KIAA1549: variants seen among roughly 807,000 people sequenced by gnomAD.
The protein encoded by KIAA1549 is UPF0606 protein KIAA1549.
KIAA1549 carries 70 observed loss-of-function variants against 156.4 expected under a neutral mutation model. The ratio of observed to expected loss-of-function variants is 0.45; its 90% CI spans 0.37 to 0.55. KIAA1549 has a LOEUF of 0.55. Ranked by LOEUF, KIAA1549 falls within the 20% of genes least tolerant of loss-of-function variation. The pLI, the probability that KIAA1549 is intolerant of heterozygous loss-of-function variation, is 0.00. For missense variants in KIAA1549, 2,428 were observed against 2,540.9 expected (o/e 0.96, Z 0.96); for synonymous variants, 1,103 against 1,066.4 (o/e 1.03, Z -0.67).
At position 138,837,756 on chromosome 7, in the gene KIAA1549, T is replaced by C. The variant is rs915641224; in HGVS notation, c.*150A>G. ...GGCTCATGAGCTGTCACACGACGTA[T>C]GGCATCTTCTAAATTGCAACTTGCT... On this transcript the variant is annotated 3_prime_UTR_variant, in exon 20 of 20. Transcript: ENST00000422774. 4 of 761,528 alleles carry C rather than the reference T, an allele frequency of 5.3e-6. No individual in the cohort carries two copies. The highest frequency in any genetic ancestry group is 1.8e-5 in the South Asian group (1 of 54,118). 47.2% of individuals were successfully genotyped at this position (761,528 alleles called of 1,614,324 possible).
Position 138,844,453 on chromosome 7 carries a change from C to G in KIAA1549, c.5316G>C (p.Leu1772Phe). 1 of 1,539,374 alleles carries G rather than the reference C, an allele frequency of 6.5e-7. No individual in the cohort carries two copies. Among genetic ancestry groups the G allele is most frequent in the Non-Finnish European group, 8.7e-7 (1 of 1,146,434 alleles). ...PLPRPGFGPGLLQSTELVPPD... is the reference protein window; with the variant it reads ...PLPRPGFGPGFLQSTELVPPD... ...GGGGCACCAGCTCTGTAGACTGCAGCAAACCGGGGCCAAAACCTGGTCTGA... is the reference window on the plus strand; with the variant it reads ...GGGGCACCAGCTCTGTAGACTGCAGGAAACCGGGGCCAAAACCTGGTCTGA... The change falls in exon 18 of 20, where the codon TTG becomes TTC. Residue 1772 changes from leucine to phenylalanine, a missense_variant. This residue lies in a region of KIAA1549 where 363 missense variants were observed against 354.0 expected (regional missense o/e 1.03). Coordinates refer to ENST00000422774, the MANE Select transcript of KIAA1549 (RefSeq NM_001164665.2).
intron 16 of KIAA1549, among the ~76,000 whole-genome samples, chr7:138,852,869 G>C (rs1810275705): frequency 6.6e-6 from 1 of 152,222 alleles, no homozygotes. Context: ...AGGAGACCCG[G>C]CTATATTTTC....
chr7:138,851,300 C>T (rs574366034), intron 17 of KIAA1549, among the ~76,000 whole-genome samples: 32 of 152,072 alleles, frequency 2.1e-4, no homozygotes, highest in Non-Finnish European at 3.8e-4. Context: ...AGTTATTTTG[C>T]TCTTCCTTAT....
chr7:138,888,865 GCCTT>G (rs1460642938), intron 10 of KIAA1549, among the ~76,000 whole-genome samples: 4 of 152,108 alleles, frequency 2.6e-5, no homozygotes, highest in Non-Finnish European at 5.9e-5. Context: ...CATCTGTCAA[GCCTT>G]TTTCAGATGC....
At chr7:138,857,251 C>G (rs539573388) in intron 16 of KIAA1549, among the ~76,000 whole-genome samples, 3 of 152,272 alleles carry the variant, frequency 2.0e-5, no homozygotes, top group African/African-American at 7.2e-5. Flanking sequence ...CACCCACATA[C>G]ACACACACTA....
intron 16 of KIAA1549, among the ~76,000 whole-genome samples, chr7:138,856,521 C>CTCTCTGTT (rs1174935819): frequency 3.9e-5 from 6 of 152,174 alleles, no homozygotes; most frequent in Non-Finnish European, 8.8e-5. Flanking sequence ...TTCTATTAGT[C>CTCTCTGTT]TCTCTGTTTC....
Position 138,917,030 on chromosome 7 carries a change from C to T in KIAA1549, c.2596G>A (p.Val866Met), listed in dbSNP as rs367579842. ...TCTGTGGGTGTGAGTGATGGGCCCA[C>T]GACGGTCAGCTCTGTGGGCAGAGGG... ...PFPLPTELTV[V>M]GPSLTPTEVP... The change falls in exon 2 of 20, where the codon GTG becomes ATG. Residue 866 changes from valine to methionine, a missense_variant. Physicochemically the swap from Val to Met is conservative, Grantham distance 21. Transcript: ENST00000422774. 2.6e-5 allele frequency: 41 copies of T among 1,605,426 alleles called. No homozygotes were observed. The highest frequency in any genetic ancestry group is 4.5e-5 in the East Asian group (2 of 44,834).
At chr7:138,902,638 G>A (rs1811873949) in intron 8 of KIAA1549, among the ~76,000 whole-genome samples, 1 of 152,088 alleles carries the variant, frequency 6.6e-6, no homozygotes, top group African/African-American at 2.4e-5. Context: ...AAGTAAAGAA[G>A]ATTTAGGATA....
intron 18 of KIAA1549, among the ~76,000 whole-genome samples, chr7:138,842,174 G>A (rs1809940817): frequency 6.6e-6 from 1 of 152,234 alleles, no homozygotes; most frequent in Non-Finnish European, 1.5e-5. Flanking sequence ...CACACCTTCT[G>A]TGTAAAGCCA....
At chr7:138,853,549 T>C (rs1810293779) in intron 16 of KIAA1549, among the ~76,000 whole-genome samples, 1 of 152,214 alleles carries the variant, frequency 6.6e-6, no homozygotes, top group Non-Finnish European at 1.5e-5. Context: ...TCCCTGGGCC[T>C]ATTCCTTTAT....
At chr7:138,897,712 G>A (rs1408592631) in intron 9 of KIAA1549, among the ~76,000 whole-genome samples, 1 of 151,654 alleles carries the variant, frequency 6.6e-6, no homozygotes, top group East Asian at 1.9e-4. Flanking sequence ...AGGCAACATG[G>A]CAAGACCCTG....
intron 12 of KIAA1549, among the ~76,000 whole-genome samples, chr7:138,872,208 A>G (rs10261559): frequency 1.3e-5 from 2 of 151,846 alleles, no homozygotes; most frequent in African/African-American, 2.4e-5. Flanking sequence ...CGGCCTCCCA[A>G]AGTGCTGGGA....
chr7:138,975,867 C>A (rs1814362491), intron 1 of KIAA1549, among the ~76,000 whole-genome samples: 1 of 152,156 alleles, frequency 6.6e-6, no homozygotes, highest in African/African-American at 2.4e-5. Context: ...GTGGCTCCCA[C>A]GTCCCTAGTG....
At position 138,917,521 on chromosome 7, in the gene KIAA1549, A is replaced by T. The variant is rs141831128; in HGVS notation, c.2105T>A (p.Leu702Gln). ...EFSQLQPSSE[L>Q]PLNTIMLLPS... is the part of the protein sequence containing the mutation. ...TAGCAACATGATGGTGTTTAAAGGC[A>T]GCTCGGAACTTGGCTGGAGCTGCGA... The change falls in exon 2 of 20, where the codon CTG becomes CAG. Residue 702 changes from leucine (L) to glutamine (Q), a missense_variant. Coordinates refer to ENST00000422774, the MANE Select transcript of KIAA1549 (RefSeq NM_001164665.2). The T allele has an allele frequency of 2.6e-4, 412 of 1,613,868 alleles. 2 individuals are homozygous for T. In the African/African-American group the frequency reaches 4.6e-3, roughly 18 times the overall value.
At chr7:138,908,829 C>T (rs1584747539) in intron 5 of KIAA1549, among the ~76,000 whole-genome samples, 162 bp downstream of exon 5, 1 of 152,296 alleles carries the variant, frequency 6.6e-6, no homozygotes, top group Non-Finnish European at 1.5e-5. Context: ...AGCCTGTGCA[C>T]GCTATGCCGA....
At chr7:138,937,507 TGAGAA>T (rs1442339761) in intron 1 of KIAA1549, among the ~76,000 whole-genome samples, 2 of 152,094 alleles carry the variant, frequency 1.3e-5, no homozygotes, top group Non-Finnish European at 2.9e-5. Context: ...ACTTTATGGC[TGAGAA>T]GAGGAGACAG....
At chr7:138,900,081 T>C (rs767837070) in intron 8 of KIAA1549, among the ~76,000 whole-genome samples, 3 of 152,228 alleles carry the variant, frequency 2.0e-5, no homozygotes, top group Non-Finnish European at 4.4e-5. Flanking sequence ...ACATTTGCCA[T>C]TGGCAACATG....
Position 138,835,105 on chromosome 7 carries a change from C to T in KIAA1549, c.*2801G>A, listed in dbSNP as rs918991889. ...GTTCATTGTAGAGTGCTTCCATAAACGGACTCCAAAGCCACACGCTGTCAA... is the reference window on the plus strand; with the variant it reads ...GTTCATTGTAGAGTGCTTCCATAAATGGACTCCAAAGCCACACGCTGTCAA... On this transcript the variant is annotated 3_prime_UTR_variant, in exon 20 of 20. Coordinates refer to ENST00000422774, the MANE Select transcript of KIAA1549 (RefSeq NM_001164665.2). The T allele has an allele frequency of 6.3e-5, 14 of 223,308 alleles. No homozygotes were observed. Among genetic ancestry groups the T allele is most frequent in the Non-Finnish European group, 2.7e-5 (3 of 111,820 alleles). 13.8% of individuals were successfully genotyped at this position (223,308 alleles called of 1,614,324 possible).
Position 138,875,817 on chromosome 7 carries a change from A to T in KIAA1549, c.4345+3721T>A, listed in dbSNP as rs573198444. 2.0e-5 allele frequency among the ~76,000 whole-genome samples: 3 copies of T among 152,172 alleles called. No homozygotes were observed. The East Asian group carries it at 5.8e-4, about 29-fold the overall frequency. The stretch of plus-strand genomic sequence containing the variant: ...CAAACCACTTTTTTTGTCCCCCGAG[A>T]CAGGGTCTCGCTCTGTCACCCAGAC... On this transcript the variant is annotated intron_variant, in intron 12 of 19. Coordinates refer to ENST00000422774, the MANE Select transcript of KIAA1549 (RefSeq NM_001164665.2).
Sources: gnomAD v4.1 joint callset for allele counts (sites outside exome capture counted in the v4.1 genomes callset) on GRCh38, gnomAD v4.1.1 for gene constraint, gnomAD v4.1.1 regional missense constraint, MANE v1.5 for transcripts, NCBI Gene and HGNC (gene_info 2026-07-23, HGNC 2026-07-21) for gene names.